The following GCNT4 variants were observed in gnomAD, a reference collection of about 807,000 sequenced individuals.
GCNT4 encodes beta-1,3-galactosyl-O-glycosyl-glycoprotein beta-1,6-N-acetylglucosaminyltransferase 4.
A neutral mutation model predicts 31.3 loss-of-function variants in GCNT4; 17 were observed. The observed-to-expected ratio is 0.54, with a 90% CI of 0.37 to 0.81. The LOEUF (loss-of-function observed/expected upper bound fraction) is 0.81. GCNT4 is among the 40% of genes least tolerant of loss of function. The pLI is 0.00. For synonymous variants in GCNT4, 158 were observed against 190.6 expected (o/e 0.83, Z 1.41); for missense variants, 503 against 525.5 (o/e 0.96, Z 0.42).
At chr5:75,021,637 C>G (rs1057138473), downstream of GCNT4, among the ~76,000 whole-genome samples, 3 of 152,164 alleles carry the variant, frequency 2.0e-5, no homozygotes, top group African/African-American at 7.2e-5. Context: ...TATTTGTTTC[C>G]CCAGTTTTTA....
In GCNT4 at chr5:75,052,428, C is replaced by T. The variant is rs550477441; in HGVS notation, c.-202+1G>A. 2.4e-3 allele frequency: 366 copies of T among 152,300 alleles called. 1 individual carries two copies. The highest frequency in any genetic ancestry group is 8.5e-3 in the African/African-American group (355 of 41,562). 9.4% of individuals were successfully genotyped at this position (152,300 alleles called of 1,614,324 possible). A position where few individuals can be genotyped will look rare whatever the true frequency, so the allele number is the denominator to read the frequency against. The stretch of plus-strand genomic sequence containing the variant: ...ACAAAACACCCACTCGCCCCGTTTA[C>T]CTAGCACCGTTTCCTACGTGAAGAC... On this transcript the variant is annotated splice_donor_variant, in intron 1 of 3. Coordinates refer to ENST00000652361, the MANE Select transcript of GCNT4 (RefSeq NM_001366737.1). LOFTEE classifies it low-confidence loss of function (5UTR_SPLICE).
chr5:75,029,913 T>G lies in GCNT4; in HGVS notation c.125A>C (p.Asp42Ala). 1 of 1,614,196 alleles carries G rather than the reference T, an allele frequency of 6.2e-7. No homozygotes were observed. The highest frequency in any genetic ancestry group is 8.5e-7 in the Non-Finnish European group (1 of 1,180,016). Residue 42 changes from aspartate to alanine, a missense_variant, in exon 4 of 4, where the codon GAC (aspartate) becomes GCC (alanine). By Grantham distance (126) the Asp-to-Ala change is moderately radical. Transcript: ENST00000652361. ...TAGGGAGTACTCAACCAAGTAAATG[T>G]CTTTTTGCGGAAAGAGTCGTCTCAC... ...LNVRRLFPQK[D>A]IYLVEYSLST...
intron 3 of GCNT4, among the ~76,000 whole-genome samples, chr5:75,045,213 C>T (rs1437461782): frequency 6.6e-6 from 1 of 152,138 alleles, no homozygotes; most frequent in Non-Finnish European, 1.5e-5. Context: ...TGTAGTGCAA[C>T]CATCACCACA....
chr5:75,049,983 T>C (rs1453744550), intron 2 of GCNT4, among the ~76,000 whole-genome samples: 1 of 152,222 alleles, frequency 6.6e-6, no homozygotes, highest in African/African-American at 2.4e-5. Context: ...AGGCAATCCT[T>C]ACAACAGCCC....
chr5:75,023,235 C>T (rs1292623380), downstream of GCNT4, among the ~76,000 whole-genome samples: 2 of 152,188 alleles, frequency 1.3e-5, no homozygotes, highest in African/African-American at 4.8e-5. Flanking sequence ...AAAACTACTT[C>T]CTTGTTTTAG....
chr5:75,034,104 A>G (rs558515079), intron 3 of GCNT4, among the ~76,000 whole-genome samples: 1 of 152,314 alleles, frequency 6.6e-6, no homozygotes, highest in East Asian at 1.9e-4. Context: ...GCCACTTGGT[A>G]TGGAGTTTCT....
At chr5:75,034,947 C>A (rs1055764754) in intron 3 of GCNT4, among the ~76,000 whole-genome samples, 1 of 143,986 alleles carries the variant, frequency 6.9e-6, no homozygotes, top group African/African-American at 2.6e-5. Flanking sequence ...CCCAGCTAAG[C>A]GGACACGACC....
At chr5:75,040,253 A>G (rs1279490610) in intron 3 of GCNT4, among the ~76,000 whole-genome samples, 1 of 149,646 alleles carries the variant, frequency 6.7e-6, no homozygotes, top group Non-Finnish European at 1.5e-5. Flanking sequence ...AACTCAGCTC[A>G]CTGCAACCTC....
At chr5:75,019,268 C>A in the GCNT4 span, among the ~76,000 whole-genome samples, 2 of 151,926 alleles carry the variant, frequency 1.3e-5, no homozygotes, top group Non-Finnish European at 2.9e-5. Flanking sequence ...ACCTGCAAAC[C>A]AGGGAGAGAG....
At chr5:75,030,799 ATCCC>A in intron 3 of GCNT4, 1 of 167,196 alleles carries the variant, frequency 6.0e-6, no homozygotes, top group Admixed American at 6.5e-5. Context: ...CACCCTGAAG[ATCCC>A]GTGTGTGTGC....
the GCNT4 span, among the ~76,000 whole-genome samples, chr5:75,018,278 ATT>A: frequency 1.5e-3 from 231 of 151,946 alleles, no homozygotes; most frequent in African/African-American, 5.1e-3. Flanking sequence ...TTTATTTTTT[ATT>A]TTTATTGATT....
chr5:75,050,052 A>G (rs1377170378), intron 2 of GCNT4, among the ~76,000 whole-genome samples: 5 of 152,178 alleles, frequency 3.3e-5, no homozygotes, highest in Non-Finnish European at 7.3e-5. Flanking sequence ...AGAGACCAGG[A>G]AACTGAGACA....
intron 3 of GCNT4, among the ~76,000 whole-genome samples, chr5:75,041,589 TGTAA>T (rs1211663958): frequency 6.6e-6 from 1 of 152,214 alleles, no homozygotes; most frequent in Admixed American, 6.5e-5. Context: ...ATAAAGGACC[TGTAA>T]GATTACATGG....
chr5:75,046,501 G>A (rs1172698385), intron 3 of GCNT4, among the ~76,000 whole-genome samples: 48 of 152,140 alleles, frequency 3.2e-4, no homozygotes, highest in Non-Finnish European at 1.0e-4. Context: ...GCTCTCTCGT[G>A]GACTGTCCAG....
At position 75,041,254 on chromosome 5, in the gene GCNT4, C is replaced by A. The variant is rs77906488; in HGVS notation, c.-2+6643G>T. On this transcript the variant is annotated intron_variant, in intron 3 of 3. Transcript: ENST00000652361. ...AGCAATGTGAATACACAAACACACC[C>A]TCACCCAGGGCCTTTGCCAGTCCTC... is the stretch of plus-strand genomic sequence containing the variant. Among the ~76,000 whole-genome samples the A allele has an allele frequency of 7.8e-3, 1,192 of 152,350 alleles. 36 individuals are homozygous for A. The highest frequency in any genetic ancestry group is 0.061 in the Admixed American group (931 of 15,296).
chr5:75,036,155 GA>G lies in GCNT4; in HGVS notation c.-1-6118del, dbSNP rs536937170. On this transcript the variant is annotated intron_variant, in intron 3 of 3. Transcript: ENST00000652361. ...CTACATTTTCAACTTGTATTTACTTGAAAAAAAAAAAACCTGTGTATAATTG... is the reference window on the plus strand; with the variant it reads ...CTACATTTTCAACTTGTATTTACTTGAAAAAAAAAAACCTGTGTATAATTG... Among the ~76,000 whole-genome samples, 1,277 of 143,546 alleles carry G rather than the reference GA, an allele frequency of 8.9e-3. 21 individuals carry two copies. Among genetic ancestry groups the G allele is most frequent in the Admixed American group, 0.04 (585 of 14,476 alleles). 94.2% of individuals were successfully genotyped at this position (143,546 alleles called of 152,430 possible).
the GCNT4 span, among the ~76,000 whole-genome samples, chr5:75,020,105 C>G: frequency 1.3e-5 from 2 of 152,106 alleles, no homozygotes; most frequent in South Asian, 4.2e-4. Flanking sequence ...AGGAATAGGC[C>G]GAGGTGGACA....
At chr5:75,041,825 T>C (rs1388153293) in intron 3 of GCNT4, among the ~76,000 whole-genome samples, 2 of 152,208 alleles carry the variant, frequency 1.3e-5, no homozygotes, top group African/African-American at 4.8e-5. Context: ...TGTATCTAGC[T>C]GGGCAAAGAT....
rs1743027865 is a variant in GCNT4 at position 75,030,002 on chromosome 5, T to C, written c.36A>G (p.Leu12=). Residue 12 remains leucine (L), a synonymous_variant, in exon 4 of 4, where the codon CTA becomes CTG. Transcript: ENST00000652361. ...KIFKCYFKHT[L]QQKVFILFLT... ...AAAACAGGATGAAAACTTTCTGCTG[T>C]AGGGTATGTTTAAAATAACATTTGA... The C allele has an allele frequency of 6.2e-7, 1 of 1,607,384 alleles. No homozygotes were observed. Among genetic ancestry groups the C allele is most frequent in the Non-Finnish European group, 8.5e-7 (1 of 1,178,076 alleles).
Sources: gnomAD v4.1 joint callset for allele counts (sites outside exome capture counted in the v4.1 genomes callset) on GRCh38, gnomAD v4.1.1 for gene constraint, MANE v1.5 for transcripts, NCBI Gene and HGNC (gene_info 2026-07-23, HGNC 2026-07-21) for gene names.